SPRED2: variants seen among roughly 807,000 people sequenced by gnomAD.
SPRED2 encodes the protein sprouty-related, EVH1 domain-containing protein 2.
Under a neutral mutation model 43.0 loss-of-function variants are expected in SPRED2, and 47 were observed. That is an observed-to-expected ratio of 1.09 (90% CI 0.87 to 1.40). The LOEUF is 1.40. Among genes scored for constraint, SPRED2 ranks in the 40% most tolerant of loss-of-function variants. SPRED2 has a pLI of 0.00. For synonymous variants in SPRED2, 225 were observed against 225.7 expected, an observed-to-expected ratio of 1.00 and a Z score of 0.03; for missense variants, 561 against 586.4, an observed-to-expected ratio of 0.96 and a Z score of 0.45.
intron 1 of SPRED2, among the ~76,000 whole-genome samples, chr2:65,350,797 G>C (rs1281769633): frequency 2.0e-5 from 3 of 152,192 alleles, no homozygotes; most frequent in Non-Finnish European, 4.4e-5. Flanking sequence ...GCCCCGTCTG[G>C]GCCACGTTAC....
intron 2 of SPRED2, among the ~76,000 whole-genome samples, chr2:65,342,447 ATATAT>A (rs1213247380): frequency 1.3e-5 from 2 of 149,062 alleles, no homozygotes; most frequent in Non-Finnish European, 3.0e-5. Context: ...TATTTTGTAT[ATATAT>A]TATATATGTA....
chr2:65,342,346 T>C lies in SPRED2; in HGVS notation c.204+2373A>G. On this transcript the variant is annotated intron_variant, in intron 2 of 5. Transcript: ENST00000356388. ...ATATTTTGTATACGTATATTATGTA[T>C]GTATATTTTGTATACGTATATTATA... Among the ~76,000 whole-genome samples, 3 of 147,780 alleles carry C rather than the reference T, an allele frequency of 2.0e-5. No individual in the cohort carries two copies. The East Asian group carries it at 5.9e-4, about 29-fold the overall frequency.
intron 1 of SPRED2, among the ~76,000 whole-genome samples, chr2:65,389,243 C>CTTT (rs11335406): frequency 0.049 from 6,927 of 140,088 alleles, 271 homozygotes; most frequent in Middle Eastern, 0.13. Context: ...CATGCTCAAC[C>CTTT]TTTTTTTTTT....
intron 1 of SPRED2, among the ~76,000 whole-genome samples, chr2:65,375,165 A>G (rs1675212273): frequency 6.6e-6 from 1 of 152,138 alleles, no homozygotes. Flanking sequence ...GTGCCTTGCC[A>G]CCCCTGATGT....
intron 2 of SPRED2, among the ~76,000 whole-genome samples, chr2:65,342,398 ATG>A (rs925649191): frequency 2.0e-5 from 3 of 148,484 alleles, no homozygotes; most frequent in Non-Finnish European, 3.0e-5. Flanking sequence ...ATATGTATAT[ATG>A]TATGTATATT....
At position 65,395,646 on chromosome 2, in the gene SPRED2, G is replaced by A. The variant is rs75416356; in HGVS notation, c.26+36316C>T. On this transcript the variant is annotated intron_variant, in intron 1 of 5. Transcript: ENST00000356388. ...ATTTAAGGTCTCTAAATGTGTACTCGGTTTCCTTATGGGTAGAAGTGGGCA... is the reference window on the plus strand; with the variant it reads ...ATTTAAGGTCTCTAAATGTGTACTCAGTTTCCTTATGGGTAGAAGTGGGCA... Among the ~76,000 whole-genome samples the A allele has an allele frequency of 2.4e-3, 365 of 152,256 alleles. 3 individuals are homozygous for A. Among genetic ancestry groups the A allele is most frequent in the African/African-American group, 8.1e-3 (338 of 41,516 alleles).
intron 1 of SPRED2, among the ~76,000 whole-genome samples, chr2:65,409,003 T>G (rs932390676): frequency 6.6e-6 from 1 of 152,206 alleles, no homozygotes. Flanking sequence ...GTCACAGATG[T>G]CATTTACAGA....
intron 1 of SPRED2, among the ~76,000 whole-genome samples, chr2:65,352,476 G>A (rs1416820161): frequency 6.6e-6 from 1 of 152,228 alleles, no homozygotes; most frequent in Non-Finnish European, 1.5e-5. Context: ...CACAGTGCCA[G>A]GGCACTATGC....
chr2:65,401,926 A>AGCGT (rs1553426554), intron 1 of SPRED2, among the ~76,000 whole-genome samples: 3 of 121,926 alleles, frequency 2.5e-5, no homozygotes, highest in Non-Finnish European at 4.8e-5. Flanking sequence ...TCAGAATATT[A>AGCGT]GCGCGCGCGC....
chr2:65,396,931 A>T (rs1352518354), intron 1 of SPRED2, among the ~76,000 whole-genome samples: 13 of 152,236 alleles, frequency 8.5e-5, no homozygotes, highest in Admixed American at 8.5e-4. Context: ...TCTGCTTAGC[A>T]ATCTCCTTAA....
rs117492075 is a variant in SPRED2 at position 65,394,761 on chromosome 2, G to A, written c.26+37201C>T. ...TCCCGGGACACTGAAGTCCGCTTCC[G>A]ATCACAGTGAGGCGCAGGGAGGGTT... On this transcript the variant is annotated intron_variant, in intron 1 of 5. Coordinates refer to ENST00000356388, the MANE Select transcript of SPRED2 (RefSeq NM_181784.3). Among the ~76,000 whole-genome samples the A allele has an allele frequency of 1.7e-3, 261 of 152,238 alleles. 7 individuals carry two copies. The East Asian group carries it at 0.048, about 28-fold the overall frequency.
At chr2:65,327,596 C>T (rs1673665063) in intron 4 of SPRED2, among the ~76,000 whole-genome samples, 1 of 152,076 alleles carries the variant, frequency 6.6e-6, no homozygotes, top group South Asian at 2.1e-4. Context: ...TCTTCTGACA[C>T]CCCACCCTGT....
intron 2 of SPRED2, among the ~76,000 whole-genome samples, chr2:65,343,184 T>C (rs1041304920): frequency 6.6e-6 from 1 of 152,250 alleles, no homozygotes; most frequent in African/African-American, 2.4e-5. Flanking sequence ...TGGTAAATGC[T>C]AGATAAATGG....
intron 1 of SPRED2, among the ~76,000 whole-genome samples, chr2:65,429,979 C>T (rs574132924): frequency 6.6e-6 from 1 of 152,212 alleles, no homozygotes; most frequent in East Asian, 1.9e-4. Context: ...GACAAGCTGC[C>T]ACAAAAAGAG....
chr2:65,410,157 A>G (rs1170563580), intron 1 of SPRED2, among the ~76,000 whole-genome samples: 1 of 151,962 alleles, frequency 6.6e-6, no homozygotes, highest in Admixed American at 6.5e-5. Flanking sequence ...GGATAACTTG[A>G]GCCCAGGAGT....
At chr2:65,400,595 G>A (rs1485988478) in intron 1 of SPRED2, among the ~76,000 whole-genome samples, 1 of 152,186 alleles carries the variant, frequency 6.6e-6, no homozygotes, top group Admixed American at 6.5e-5. Context: ...TAGGCCGACT[G>A]TGCTCAGGGC....
At chr2:65,350,045 G>C (rs1674465986) in intron 1 of SPRED2, among the ~76,000 whole-genome samples, 1 of 152,172 alleles carries the variant, frequency 6.6e-6, no homozygotes, top group South Asian at 2.1e-4. Context: ...TCCTATCCAT[G>C]GTGTATTTAC....
chr2:65,327,675 G>A (rs1254982267), intron 4 of SPRED2, among the ~76,000 whole-genome samples: 1 of 148,850 alleles, frequency 6.7e-6, no homozygotes, highest in Non-Finnish European at 1.5e-5. Flanking sequence ...GTGGAGGGCT[G>A]CCCTCCCAAA....
At chr2:65,327,579 G>A (rs529150247) in intron 4 of SPRED2, among the ~76,000 whole-genome samples, 14 of 152,140 alleles carry the variant, frequency 9.2e-5, no homozygotes, top group Admixed American at 8.5e-4. Context: ...CCCATCTTCT[G>A]AGACCTTCTT....
Sources: allele counts gnomAD v4.1 joint callset (sites outside exome capture counted in the v4.1 genomes callset), GRCh38; gene constraint gnomAD v4.1.1; transcripts MANE v1.5; gene names NCBI Gene and HGNC (gene_info 2026-07-23, HGNC 2026-07-21).